The following RNF150 variants were observed in gnomAD, a reference collection of about 807,000 sequenced individuals.
RNF150 encodes the protein ring finger protein 150.
In RNF150, 24 loss-of-function variants were observed where a neutral mutation model predicts 39.3. The ratio of observed to expected loss-of-function variants is 0.61; its 90% confidence interval spans 0.44 to 0.86. The LOEUF (loss-of-function observed/expected upper bound fraction) is 0.86. Ranked by LOEUF, RNF150 falls within the 40% of genes least tolerant of loss-of-function variation. The pLI is 0.00. For missense variants in RNF150, 502 were observed against 587.8 expected, an observed-to-expected ratio of 0.85 and a Z score of 1.51; for synonymous variants, 255 against 227.3, an observed-to-expected ratio of 1.12 and a Z score of -1.10.
intron 1 of RNF150, among the ~76,000 whole-genome samples, chr4:141,141,792 G>A (rs1727121787): frequency 6.6e-6 from 1 of 152,136 alleles, no homozygotes; most frequent in African/African-American, 2.4e-5. Flanking sequence ...CTTCAGCCTG[G>A]CCTGGGCAAA....
intron 1 of RNF150, among the ~76,000 whole-genome samples, chr4:141,163,359 A>G (rs1727546917): frequency 6.6e-6 from 1 of 152,236 alleles, no homozygotes; most frequent in African/African-American, 2.4e-5. Context: ...TGAGGGAAGC[A>G]GTGGCTGTGG....
chr4:140,891,997 A>G (rs1253571547), intron 6 of RNF150, among the ~76,000 whole-genome samples: 1 of 152,152 alleles, frequency 6.6e-6, no homozygotes, highest in Non-Finnish European at 1.5e-5. Context: ...TTGTGGAAAA[A>G]TTCTCTTCCA....
chr4:141,143,279 A>G (rs1360921538), intron 1 of RNF150, among the ~76,000 whole-genome samples: 1 of 152,220 alleles, frequency 6.6e-6, no homozygotes, highest in Admixed American at 6.5e-5. Context: ...TATGAGTATC[A>G]CAAAATTATG....
At chr4:141,117,390 A>T (rs1405601146) in intron 1 of RNF150, among the ~76,000 whole-genome samples, 1 of 152,180 alleles carries the variant, frequency 6.6e-6, no homozygotes, top group Non-Finnish European at 1.5e-5. Flanking sequence ...ATGTTTAGAC[A>T]TGTTTATATA....
upstream of RNF150, chr4:141,133,525 T>C (rs546608162): frequency 1.3e-5 from 2 of 152,552 alleles, no homozygotes; most frequent in Admixed American, 6.5e-5. Flanking sequence ...AGGAGCTTAG[T>C]GTGATGTCAA....
At chr4:140,956,199 T>C (rs1732747177) in intron 2 of RNF150, among the ~76,000 whole-genome samples, 1 of 152,102 alleles carries the variant, frequency 6.6e-6, no homozygotes, top group Non-Finnish European at 1.5e-5. Context: ...TAGCAGATAG[T>C]GAGACAATAT....
intron 1 of RNF150, among the ~76,000 whole-genome samples, chr4:141,051,484 T>C (rs1736775517): frequency 6.6e-6 from 1 of 152,216 alleles, no homozygotes; most frequent in Non-Finnish European, 1.5e-5. Flanking sequence ...ACCCAAGTCA[T>C]CTCTTGAATG....
intron 1 of RNF150, among the ~76,000 whole-genome samples, chr4:141,082,888 T>A (rs1402945274): frequency 6.6e-6 from 1 of 152,236 alleles, no homozygotes; most frequent in African/African-American, 2.4e-5. Context: ...GCTACACTTA[T>A]AAGTATCATG....
chr4:141,024,468 C>T (rs1322976027), intron 1 of RNF150, among the ~76,000 whole-genome samples: 1 of 152,154 alleles, frequency 6.6e-6, no homozygotes, highest in Non-Finnish European at 1.5e-5. Flanking sequence ...CAAGTACAAA[C>T]ATCTCAGGGG....
chr4:141,195,332 T>C (rs1242595914), intron 1 of RNF150, among the ~76,000 whole-genome samples: 3 of 152,186 alleles, frequency 2.0e-5, no homozygotes, highest in Admixed American at 6.5e-5. Context: ...TTATTCTAGG[T>C]CACTTTCCAT....
chr4:140,899,970 C>CTCTCTCTCTCTT, intron 6 of RNF150, among the ~76,000 whole-genome samples: 1 of 135,396 alleles, frequency 7.4e-6, no homozygotes, highest in South Asian at 2.4e-4. Context: ...CTCTCTCTCT[C>CTCTCTCTCTCTT]TCTCTGTGTG....
In RNF150 at chr4:140,885,780, T is replaced by C. The variant is rs148634350; in HGVS notation, c.1199-17401A>G. On this transcript the variant is annotated intron_variant, in intron 6 of 6. Coordinates refer to ENST00000515673, the MANE Select transcript of RNF150 (RefSeq NM_020724.2). ...ATCATGCCCAGCCAATTTTTATACT[T>C]TTAGTAGAGATGGGATTTTTGCCAT... Among the ~76,000 whole-genome samples the C allele has an allele frequency of 5.6e-3, 852 of 152,194 alleles. 8 individuals carry two copies. Among genetic ancestry groups the C allele is most frequent in the African/African-American group, 0.02 (818 of 41,536 alleles).
chr4:140,964,348 G>A (rs1390500222), intron 2 of RNF150, among the ~76,000 whole-genome samples: 1 of 151,952 alleles, frequency 6.6e-6, no homozygotes, highest in African/African-American at 2.4e-5. Context: ...GTTTATTATG[G>A]GGCTAGTATC....
In RNF150 at chr4:141,015,818, C is replaced by T. The variant is rs547398857; in HGVS notation, c.485-47945G>A. On this transcript the variant is annotated intron_variant, in intron 1 of 6. Transcript: ENST00000515673. ...TCAAAGAACTGTTTCTCTTACTGTTCGATTGTGGTTTTTCTTGGTTATTGT... is the reference window on the plus strand; with the variant it reads ...TCAAAGAACTGTTTCTCTTACTGTTTGATTGTGGTTTTTCTTGGTTATTGT... 4.6e-5 allele frequency among the ~76,000 whole-genome samples: 7 copies of T among 152,094 alleles called. No homozygotes were observed. The East Asian group carries it at 9.7e-4, about 21-fold the overall frequency.
chr4:141,071,358 T>C (rs994998767), intron 1 of RNF150, among the ~76,000 whole-genome samples: 15 of 151,754 alleles, frequency 9.9e-5, no homozygotes, highest in African/African-American at 3.6e-4. Context: ...AATGTGCACA[T>C]GTACCCTAAA....
chr4:141,009,598 T>C (rs1734998404), intron 1 of RNF150, among the ~76,000 whole-genome samples: 1 of 152,220 alleles, frequency 6.6e-6, no homozygotes, highest in South Asian at 2.1e-4. Context: ...TAGTAAGGAC[T>C]CAAGAAATGT....
chr4:140,877,206 T>A (rs906012845), intron 6 of RNF150, among the ~76,000 whole-genome samples: 14 of 152,220 alleles, frequency 9.2e-5, no homozygotes, highest in Non-Finnish European at 1.6e-4. Context: ...ATTCATTGAG[T>A]CATTCCTTGC....
At chr4:141,154,189 C>T (rs150185489) in intron 1 of RNF150, among the ~76,000 whole-genome samples, 1 of 152,270 alleles carries the variant, frequency 6.6e-6, no homozygotes, top group East Asian at 1.9e-4. Flanking sequence ...AGGAGCTCTG[C>T]TGTAATAGTT....
At chr4:141,193,598 T>C (rs1275668973) in intron 1 of RNF150, among the ~76,000 whole-genome samples, 1 of 152,216 alleles carries the variant, frequency 6.6e-6, no homozygotes, top group Non-Finnish European at 1.5e-5. Context: ...GCCAAGTTTT[T>C]TTTTTCCCAG....
Sources: gnomAD v4.1 joint callset for allele counts (sites outside exome capture counted in the v4.1 genomes callset) on GRCh38, gnomAD v4.1.1 for gene constraint, MANE v1.5 for transcripts, NCBI Gene and HGNC (gene_info 2026-07-23, HGNC 2026-07-21) for gene names.